Variants in SH3RF3 observed in about 807,000 individuals in gnomAD.
SH3RF3 encodes SH3 domain containing ring finger 3, also known as E3 ubiquitin-protein ligase SH3RF3.
Under a neutral mutation model 66.3 loss-of-function variants are expected in SH3RF3, and 29 were observed. The ratio of observed to expected loss-of-function variants is 0.44; its 90% CI spans 0.33 to 0.60. The LOEUF (loss-of-function observed/expected upper bound fraction) is 0.60. Ranked by LOEUF, SH3RF3 falls within the 20% of genes least tolerant of loss-of-function variation. SH3RF3 has a pLI of 0.04. For missense variants in SH3RF3, 1,194 were observed against 1,190.9 expected (o/e 1.00, Z -0.04); for synonymous variants, 583 against 532.0 (o/e 1.10, Z -1.32).
At chr2:109,335,107 C>T (rs1035674959) in intron 1 of SH3RF3, among the ~76,000 whole-genome samples, 3 of 152,210 alleles carry the variant, frequency 2.0e-5, no homozygotes, top group African/African-American at 4.8e-5. Flanking sequence ...GCTTCAAAAC[C>T]GAACATTTCG....
chr2:109,341,984 C>T (rs1682560896), intron 1 of SH3RF3, among the ~76,000 whole-genome samples: 1 of 152,332 alleles, frequency 6.6e-6, no homozygotes, highest in Admixed American at 6.5e-5. Flanking sequence ...CATTCTCAGA[C>T]CCCGCAGTGC....
At chr2:109,190,054 G>A (rs1258199731) in intron 1 of SH3RF3, among the ~76,000 whole-genome samples, 1 of 152,242 alleles carries the variant, frequency 6.6e-6, no homozygotes, top group South Asian at 2.1e-4. Flanking sequence ...AGTGCTCTTT[G>A]ATGTTGTAAT....
chr2:109,301,352 G>A (rs73955516), intron 1 of SH3RF3, among the ~76,000 whole-genome samples: 1 of 68,866 alleles, frequency 1.5e-5, no homozygotes, highest in Non-Finnish European at 3.0e-5. Flanking sequence ...GTGTGTGTGT[G>A]TTTGTGTATG....
intron 4 of SH3RF3, among the ~76,000 whole-genome samples, chr2:109,412,859 C>A (rs374865682): frequency 6.6e-6 from 1 of 152,232 alleles, no homozygotes; most frequent in South Asian, 2.1e-4. Flanking sequence ...TGAAAATACA[C>A]GTATCACTGT....
chr2:109,184,216 A>T (rs144418889), intron 1 of SH3RF3, among the ~76,000 whole-genome samples: 20 of 151,934 alleles, frequency 1.3e-4, no homozygotes, highest in African/African-American at 3.9e-4. Context: ...GAATTTCTAC[A>T]CTCCCTTGGG....
intron 8 of SH3RF3, among the ~76,000 whole-genome samples, chr2:109,461,827 A>G (rs1476362848): frequency 6.6e-6 from 1 of 152,178 alleles, no homozygotes; most frequent in Non-Finnish European, 1.5e-5. Context: ...TTTTTGTTCT[A>G]GGTCCTACTC....
chr2:109,245,980 A>G (rs949519126), intron 1 of SH3RF3, among the ~76,000 whole-genome samples: 3 of 152,250 alleles, frequency 2.0e-5, no homozygotes, highest in Non-Finnish European at 4.4e-5. Flanking sequence ...AAGCTGGCTT[A>G]TTCACAAAAA....
intron 1 of SH3RF3, among the ~76,000 whole-genome samples, chr2:109,163,736 A>G (rs1677550875): frequency 6.6e-6 from 1 of 152,172 alleles, no homozygotes; most frequent in Admixed American, 6.5e-5. Context: ...ACGATTCCAC[A>G]GTGAGTAACT....
At chr2:109,241,137 C>T (rs992783351) in intron 1 of SH3RF3, among the ~76,000 whole-genome samples, 2 of 152,114 alleles carry the variant, frequency 1.3e-5, no homozygotes, top group African/African-American at 2.4e-5. Flanking sequence ...ACAAATTAGT[C>T]GACAGTCAAT....
intron 8 of SH3RF3, among the ~76,000 whole-genome samples, chr2:109,476,753 A>G (rs943564052): frequency 6.6e-6 from 1 of 152,256 alleles, no homozygotes; most frequent in African/African-American, 2.4e-5. Context: ...GCTGTTCCAT[A>G]GACAGCAGCC....
chr2:109,241,968 G>A (rs1434178375), intron 1 of SH3RF3, among the ~76,000 whole-genome samples: 1 of 151,926 alleles, frequency 6.6e-6, no homozygotes, highest in Non-Finnish European at 1.5e-5. Context: ...TGCTTTCATG[G>A]TGGTTTTCTT....
intron 5 of SH3RF3, among the ~76,000 whole-genome samples, chr2:109,427,868 G>A (rs1677070687): frequency 6.6e-6 from 1 of 152,262 alleles, no homozygotes; most frequent in African/African-American, 2.4e-5. Flanking sequence ...AGGCAGCAGT[G>A]CTCCCGGAGC....
intron 8 of SH3RF3, among the ~76,000 whole-genome samples, chr2:109,481,251 G>A (rs542622057): frequency 6.6e-6 from 1 of 152,350 alleles, no homozygotes; most frequent in East Asian, 1.9e-4. Context: ...GTCTCTCTGT[G>A]CTCAAGCTCC....
chr2:109,469,840 T>A (rs1678456794), intron 8 of SH3RF3, among the ~76,000 whole-genome samples: 1 of 152,230 alleles, frequency 6.6e-6, no homozygotes, highest in South Asian at 2.1e-4. Flanking sequence ...CCGTTGGTTA[T>A]GTGTGCAGCT....
intron 3 of SH3RF3, among the ~76,000 whole-genome samples, chr2:109,394,357 A>G (rs1318320644): frequency 6.6e-6 from 1 of 152,126 alleles, no homozygotes; most frequent in African/African-American, 2.4e-5. Flanking sequence ...TTACTGTCCC[A>G]TGGACAAGAC....
intron 1 of SH3RF3, among the ~76,000 whole-genome samples, chr2:109,158,123 A>G (rs1558931596): frequency 6.6e-6 from 1 of 152,114 alleles, no homozygotes; most frequent in Non-Finnish European, 1.5e-5. Flanking sequence ...TCCCATAGCT[A>G]GTAAGGTGCC....
At chr2:109,447,319 CAGA>C (rs1156947328) in intron 7 of SH3RF3, among the ~76,000 whole-genome samples, 1 of 152,074 alleles carries the variant, frequency 6.6e-6, no homozygotes, top group Non-Finnish European at 1.5e-5. Context: ...ACGGCTGTGT[CAGA>C]AGAAGGCCTG....
chr2:109,211,561 A>G (rs1426728659), intron 1 of SH3RF3, among the ~76,000 whole-genome samples: 1 of 152,190 alleles, frequency 6.6e-6, no homozygotes, highest in African/African-American at 2.4e-5. Context: ...GTCACAGAGC[A>G]GGCAGCTACG....
At chr2:109,462,499 GC>G in intron 8 of SH3RF3, among the ~76,000 whole-genome samples, 1 of 152,128 alleles carries the variant, frequency 6.6e-6, no homozygotes, top group East Asian at 1.9e-4. Context: ...TTCTGCACCG[GC>G]CAAACAGGAG....
Sources: allele counts gnomAD v4.1 joint callset (sites outside exome capture counted in the v4.1 genomes callset), GRCh38; gene constraint gnomAD v4.1.1; transcripts MANE v1.5; gene names NCBI Gene and HGNC (gene_info 2026-07-23, HGNC 2026-07-21).